The following ABCB11 variants were observed in gnomAD, a reference collection of about 807,000 sequenced individuals.
ABCB11 encodes ATP binding cassette subfamily B member 11, also known as bile salt export pump.
ABCB11 carries 95 observed loss-of-function variants against 148.0 expected under a neutral mutation model. The observed-to-expected ratio is 0.64, with a 90% CI of 0.54 to 0.76. The LOEUF is 0.76. Ranked by LOEUF, ABCB11 falls within the 30% of genes least tolerant of loss-of-function variation. The pLI, the probability that ABCB11 is intolerant of heterozygous loss-of-function variation, is 0.00. For missense variants in ABCB11, 1,523 were observed against 1,617.8 expected, an observed-to-expected ratio of 0.94 and a Z score of 1.01; for synonymous variants, 591 against 555.4, an observed-to-expected ratio of 1.06 and a Z score of -0.90.
intron 1 of ABCB11, among the ~76,000 whole-genome samples, chr2:169,018,540 G>A (rs1695433829): frequency 1.3e-5 from 2 of 152,184 alleles, no homozygotes; most frequent in South Asian, 4.1e-4. Context: ...TGATATTCTT[G>A]AGTCACTGTA....
At chr2:169,001,923 T>C (rs1034418232) in intron 5 of ABCB11, among the ~76,000 whole-genome samples, 3 of 152,178 alleles carry the variant, frequency 2.0e-5, no homozygotes, top group Admixed American at 6.5e-5. Flanking sequence ...GGATGTTATG[T>C]TTGTTTTACA....
rs554051558 is a variant in ABCB11 at position 168,978,361 on chromosome 2, C to T, written c.1197+1505G>A. 5.9e-5 allele frequency among the ~76,000 whole-genome samples: 9 copies of T among 151,862 alleles called. No individual in the cohort carries two copies. The South Asian group carries it at 1.2e-3, about 21-fold the overall frequency. ...GGGTTGCCCAGGCTTGTCTCAAACT[C>T]CTGGGCTCAAGCTATCCTCCCGACT... On this transcript the variant is annotated intron_variant, in intron 11 of 27. Transcript: ENST00000650372.
chr2:168,951,074 T>C (rs373160145), intron 19 of ABCB11, among the ~76,000 whole-genome samples: 152 of 151,838 alleles, frequency 1.0e-3, no homozygotes, highest in African/African-American at 3.5e-3. Flanking sequence ...TTTTCAAAGA[T>C]AACTTGGTTT....
chr2:168,969,880 G>C (rs543845680), intron 15 of ABCB11, among the ~76,000 whole-genome samples, 165 bp downstream of exon 15: 1 of 152,018 alleles, frequency 6.6e-6, no homozygotes. Context: ...TCAACTGTGA[G>C]GAAGATTGTA....
chr2:168,944,873 A>C lies in ABCB11; in HGVS notation c.2432T>G (p.Phe811Cys). ...ATTTCTTACCTGTAGAAATTGGGTG[A>C]AAAGAGATACACAGCCCATTGCTAC... Reference protein sequence around the residue: ...LFVAMGCVSLFTQFLQGYAFA... With the variant: ...LFVAMGCVSLCTQFLQGYAFA... Residue 811 changes from phenylalanine to cysteine, a missense_variant, in exon 20 of 28, where the codon TTC (phenylalanine) becomes TGC (cysteine). Transcript: ENST00000650372. The C allele has an allele frequency of 6.3e-7, 1 of 1,587,112 alleles. No individual in the cohort carries two copies. The highest frequency in any genetic ancestry group is 8.6e-7 in the Non-Finnish European group (1 of 1,165,270).
At chr2:168,939,772 T>C (rs1236929265) in intron 21 of ABCB11, among the ~76,000 whole-genome samples, 1 of 152,140 alleles carries the variant, frequency 6.6e-6, no homozygotes, top group Non-Finnish European at 1.5e-5. Flanking sequence ...GTGGCAACCC[T>C]GTATATGCAG....
In ABCB11 at chr2:169,013,321, A is replaced by C. The variant is rs779582160; in HGVS notation, c.340T>G (p.Trp114Gly). The change falls in exon 5 of 28, where the codon TGG becomes GGG. Residue 114 changes from tryptophan to glycine, a missense_variant. Physicochemically the swap from Trp to Gly is radical, Grantham distance 184. Transcript: ENST00000650372. ...GKACVNNTIV[W>G]TNSSLNQNMT... is the part of the protein sequence containing the mutation. ...TTCTGGTTGAGGGAACTGTTAGTCC[A>C]TACAATGGTGTTATTCACACATGCT... The C allele has an allele frequency of 2.5e-6, 4 of 1,613,888 alleles. No homozygotes were observed. The highest frequency in any genetic ancestry group is 3.4e-6 in the Non-Finnish European group (4 of 1,179,782).
intron 8 of ABCB11, among the ~76,000 whole-genome samples, chr2:168,991,833 G>T (rs991302931): frequency 6.9e-6 from 1 of 144,232 alleles, no homozygotes; most frequent in East Asian, 2.3e-4. Context: ...AGGAAAGTGA[G>T]GCTTTTTTTT....
chr2:169,012,732 C>G (rs1695224119), intron 5 of ABCB11, among the ~76,000 whole-genome samples: 1 of 146,912 alleles, frequency 6.8e-6, no homozygotes, highest in Admixed American at 6.7e-5. Context: ...AAAGGAGACT[C>G]CATCTTAAAA....
chr2:168,986,294 C>CA lies in ABCB11; in HGVS notation c.909-11dup. 1 of 1,610,654 alleles carries CA rather than the reference C, an allele frequency of 6.2e-7. No individual in the cohort carries two copies. The highest frequency in any genetic ancestry group is 8.5e-7 in the Non-Finnish European group (1 of 1,178,440). On this transcript the variant is annotated splice_polypyrimidine_tract_variant and intron_variant, in intron 9 of 27. Coordinates refer to ENST00000650372, the MANE Select transcript of ABCB11 (RefSeq NM_003742.4). The stretch of plus-strand genomic sequence containing the variant: ...AAGATTTTTCTCATACCTGTGAAGA[C>CA]AAAATGCTTGAGTCAATTTCGGCAG...
intron 1 of ABCB11, among the ~76,000 whole-genome samples, chr2:169,029,057 A>AC (rs1379269115): frequency 6.6e-6 from 1 of 151,904 alleles, no homozygotes; most frequent in African/African-American, 2.4e-5. Flanking sequence ...AGTGGAGAGC[A>AC]CCCGCCCCCA....
chr2:168,922,751 T>C lies in ABCB11; in HGVS notation c.*871A>G, dbSNP rs1208971526. Among the ~76,000 whole-genome samples, 1 of 152,226 alleles carries C rather than the reference T, an allele frequency of 6.6e-6. No individual in the cohort carries two copies. Among genetic ancestry groups the C allele is most frequent in the Non-Finnish European group, 1.5e-5 (1 of 68,038 alleles). ...GGGGCAAATGAGTGCTTTTCTGCCA[T>C]ATTTACTTGCTTTTTTGTATAAAAC... On this transcript the variant is annotated 3_prime_UTR_variant, in exon 28 of 28. Coordinates refer to ENST00000650372, the MANE Select transcript of ABCB11 (RefSeq NM_003742.4).
intron 5 of ABCB11, among the ~76,000 whole-genome samples, chr2:169,008,203 T>A (rs78380006): frequency 0.024 from 3,697 of 152,236 alleles, 143 homozygotes; most frequent in African/African-American, 0.085. Context: ...AAGAGAGATG[T>A]ATCCCCTCAC....
At chr2:169,018,288 GT>G in intron 1 of ABCB11, 136 bp from the exon 2 acceptor site, 1 of 730,464 alleles carries the variant, frequency 1.4e-6, no homozygotes, top group Non-Finnish European at 2.2e-6. Context: ...TTTAAAATCG[GT>G]TAATAACTCC....
chr2:168,938,598 T>C (rs1221283652), intron 21 of ABCB11, among the ~76,000 whole-genome samples: 2 of 152,110 alleles, frequency 1.3e-5, no homozygotes, highest in African/African-American at 2.4e-5. Flanking sequence ...TAGAGATGAA[T>C]AGTGGTGATG....
intron 10 of ABCB11, 91 bp downstream of exon 10, chr2:168,986,019 G>T (rs1295496212): frequency 3.8e-6 from 4 of 1,052,004 alleles, no homozygotes; most frequent in Non-Finnish European, 5.1e-6. Flanking sequence ...TTTCCTGAAG[G>T]CACCAAAGTA....
intron 7 of ABCB11, among the ~76,000 whole-genome samples, chr2:168,994,125 T>A (rs1694636545): frequency 6.6e-6 from 1 of 152,088 alleles, no homozygotes; most frequent in Non-Finnish European, 1.5e-5. Context: ...TCAGTGTTGA[T>A]AAAGGCTTTT....
In ABCB11 at chr2:168,955,115, C is replaced by T. The variant is rs369782851; in HGVS notation, c.2343+2849G>A. ...AATTTCTGCTTATTTTTTTAAAATG[C>T]TATTTATCTCCTTGGTAAATTTCTC... On this transcript the variant is annotated intron_variant, in intron 19 of 27. Coordinates refer to ENST00000650372, the MANE Select transcript of ABCB11 (RefSeq NM_003742.4). Among the ~76,000 whole-genome samples, 48 of 151,648 alleles carry T rather than the reference C, an allele frequency of 3.2e-4. 1 individual carries two copies. In the South Asian group the frequency reaches 9.7e-3, roughly 31 times the overall value.
At chr2:168,986,412 G>T in intron 9 of ABCB11, 128 bp from the exon 10 acceptor site, 1 of 802,202 alleles carries the variant, frequency 1.2e-6, no homozygotes, top group Non-Finnish European at 2.0e-6. Flanking sequence ...GCAGCTTCAG[G>T]GAGAAAAATC....
Sources: allele counts gnomAD v4.1 joint callset (sites outside exome capture counted in the v4.1 genomes callset), GRCh38; gene constraint gnomAD v4.1.1; transcripts MANE v1.5; gene names NCBI Gene and HGNC (gene_info 2026-07-23, HGNC 2026-07-21).